MSI2: variants seen among roughly 807,000 people sequenced by gnomAD.
MSI2 encodes the protein musashi RNA binding protein 2.
In MSI2, 17 loss-of-function variants were observed where a neutral mutation model predicts 45.6. That is an observed-to-expected ratio of 0.37 (90% CI 0.26 to 0.56). The LOEUF (loss-of-function observed/expected upper bound fraction) is 0.56. Ranked by LOEUF, MSI2 falls within the 20% of genes least tolerant of loss-of-function variation. The probability of loss-of-function intolerance (pLI) is 0.77; values close to 1 mark genes in which losing one functional copy is unlikely to be tolerated. For missense variants in MSI2, 293 were observed against 444.2 expected (o/e 0.66, Z 3.06); for synonymous variants, 156 against 158.2 (o/e 0.99, Z 0.11).
intron 6 of MSI2, among the ~76,000 whole-genome samples, chr17:57,486,789 G>A (rs565567913): frequency 6.6e-6 from 1 of 152,268 alleles, no homozygotes; most frequent in East Asian, 1.9e-4. Flanking sequence ...TTTTAGTGTT[G>A]TTTCGGTTAT....
chr17:57,682,677 T>A lies in MSI2; in HGVS notation c.*3160T>A, dbSNP rs751060278. On this transcript the variant is annotated 3_prime_UTR_variant, in exon 14 of 14. Coordinates refer to ENST00000284073, the MANE Select transcript of MSI2 (RefSeq NM_138962.4). ...TGTAAATTCTTTTAACACTGATGTT[T>A]CAGCCTCGTCTTTGTTTCAGTTAAG... 3 of 215,692 alleles carry A rather than the reference T, an allele frequency of 1.4e-5. No homozygotes were observed. Among genetic ancestry groups the A allele is most frequent in the Admixed American group, 5.8e-5 (1 of 17,170 alleles). 13.4% of individuals were successfully genotyped at this position (215,692 alleles called of 1,614,324 possible). A position where few individuals can be genotyped will look rare whatever the true frequency, so the allele number is the denominator to read the frequency against.
At chr17:57,542,014 T>C (rs955072399) in intron 7 of MSI2, among the ~76,000 whole-genome samples, 5 of 152,168 alleles carry the variant, frequency 3.3e-5, no homozygotes, top group Admixed American at 3.3e-4. Context: ...AGGGCTGGGC[T>C]GGTTCATGGA....
intron 6 of MSI2, among the ~76,000 whole-genome samples, chr17:57,526,381 G>A (rs1271250060): frequency 1.4e-3 from 119 of 87,668 alleles, no homozygotes; most frequent in African/African-American, 5.1e-3. Context: ...GTGTGTGTGT[G>A]TGTGTGTGTG....
In MSI2 at chr17:57,412,017, C is replaced by T. The variant is rs548911827; in HGVS notation, c.405+10546C>T. On this transcript the variant is annotated intron_variant, in intron 6 of 13. Coordinates refer to ENST00000284073, the MANE Select transcript of MSI2 (RefSeq NM_138962.4). ...CCAAGACTCCGTCTGGGGGCGGGGC[C>T]GGGGGAAGAATTACTATGGTACCTC... 3.3e-3 allele frequency among the ~76,000 whole-genome samples: 502 copies of T among 151,704 alleles called. 2 individuals are homozygous for T. Among genetic ancestry groups the T allele is most frequent in the South Asian group, 6.9e-3 (33 of 4,766 alleles).
intron 7 of MSI2, among the ~76,000 whole-genome samples, chr17:57,569,492 A>G (rs2087820679): frequency 6.6e-6 from 1 of 152,194 alleles, no homozygotes; most frequent in Non-Finnish European, 1.5e-5. Context: ...AGTTCACCTC[A>G]GAGTTTAAAC....
chr17:57,487,124 G>A (rs2085770090), intron 6 of MSI2, among the ~76,000 whole-genome samples: 1 of 152,234 alleles, frequency 6.6e-6, no homozygotes, highest in Non-Finnish European at 1.5e-5. Flanking sequence ...AGTGGGAAGT[G>A]CAGGGGACTT....
At chr17:57,365,982 G>T (rs1005693443) in intron 5 of MSI2, among the ~76,000 whole-genome samples, 1 of 151,972 alleles carries the variant, frequency 6.6e-6, no homozygotes, top group Non-Finnish European at 1.5e-5. Flanking sequence ...GTGTGATATC[G>T]ACTCACTGCA....
At chr17:57,468,428 G>A (rs940111503) in intron 6 of MSI2, among the ~76,000 whole-genome samples, 22 of 151,300 alleles carry the variant, frequency 1.5e-4, no homozygotes, top group African/African-American at 1.9e-4. Flanking sequence ...GGCTGAGGCC[G>A]GAGAATGGCG....
intron 5 of MSI2, among the ~76,000 whole-genome samples, chr17:57,372,853 C>T (rs2083440384): frequency 6.6e-6 from 1 of 152,048 alleles, no homozygotes; most frequent in Non-Finnish European, 1.5e-5. Flanking sequence ...AGAATGAGGA[C>T]AGTTTTGTTT....
chr17:57,307,693 G>A (rs1598099712), intron 5 of MSI2, among the ~76,000 whole-genome samples: 1 of 150,748 alleles, frequency 6.6e-6, no homozygotes, highest in African/African-American at 2.4e-5. Flanking sequence ...CCATCCACTG[G>A]CCTTGGCCTC....
chr17:57,398,248 G>A (rs1023833185), intron 5 of MSI2, among the ~76,000 whole-genome samples: 2 of 152,194 alleles, frequency 1.3e-5, no homozygotes, highest in African/African-American at 4.8e-5. Flanking sequence ...TATAGACAGG[G>A]CTGCTGTATA....
At chr17:57,335,345 G>T (rs1419211447) in intron 5 of MSI2, among the ~76,000 whole-genome samples, 2 of 152,190 alleles carry the variant, frequency 1.3e-5, no homozygotes, top group Non-Finnish European at 2.9e-5. Context: ...ACCCCCACCT[G>T]CCTTTACACC....
intron 5 of MSI2, among the ~76,000 whole-genome samples, chr17:57,286,749 A>G (rs185953269): frequency 5.3e-5 from 8 of 152,162 alleles, no homozygotes; most frequent in African/African-American, 1.4e-4. Flanking sequence ...CCTAAGGCAA[A>G]ATGACCTTCC....
Position 57,529,725 on chromosome 17 carries a change from G to A in MSI2, c.454+1G>A. On this transcript the variant is annotated splice_donor_variant, in intron 7 of 13. Transcript: ENST00000284073. LOFTEE classifies it high-confidence loss of function. The surrounding 1 kb of genome is among the most constrained non-coding windows in gnomAD (Gnocchi z 5.3). ...GATAAAACTACCAACAGGCACAGAG[G>A]TAAGATTACCCCAGTGTAAGAGGGT... 1 of 1,612,792 alleles carries A rather than the reference G, an allele frequency of 6.2e-7. No individual in the cohort carries two copies. The highest frequency in any genetic ancestry group is 8.5e-7 in the Non-Finnish European group (1 of 1,179,520).
chr17:57,370,889 G>T (rs2083410868), intron 5 of MSI2, among the ~76,000 whole-genome samples: 2 of 152,170 alleles, frequency 1.3e-5, no homozygotes, highest in African/African-American at 4.8e-5. Context: ...CAAACAGCTG[G>T]ACTTTAAATG....
At chr17:57,690,053 C>G in the MSI2 span, among the ~76,000 whole-genome samples, 1,651 of 152,060 alleles carry the variant, frequency 0.011, 33 homozygotes, top group African/African-American at 0.037. Context: ...TTTAGCCAAC[C>G]TGTTTTCCAA....
intron 10 of MSI2, among the ~76,000 whole-genome samples, chr17:57,635,614 C>T (rs12602198): frequency 0.17 from 26,408 of 152,318 alleles, 2,373 homozygotes; most frequent in East Asian, 0.25. Context: ...GGTGCCCAAA[C>T]CTCCCTCCCA....
At chr17:57,502,636 T>TATATATATATATATATCATAG in intron 6 of MSI2, among the ~76,000 whole-genome samples, 11 of 96,904 alleles carry the variant, frequency 1.1e-4, no homozygotes, top group African/African-American at 3.5e-4. Context: ...TATATATATA[T>TATATATATATATATATCATAG]AGTCATCATT....
At chr17:57,401,507 AAGT>A in intron 6 of MSI2, 36 bp downstream of exon 6, 1 of 1,548,276 alleles carries the variant, frequency 6.5e-7, no homozygotes, top group Non-Finnish European at 8.9e-7. Context: ...CACATGCCAG[AAGT>A]AGCCTCATCA....
Sources: allele counts gnomAD v4.1 joint callset (sites outside exome capture counted in the v4.1 genomes callset), GRCh38; gene constraint gnomAD v4.1.1; non-coding constraint Gnocchi (gnomAD v3.1); transcripts MANE v1.5; gene names NCBI Gene and HGNC (gene_info 2026-07-23, HGNC 2026-07-21).